Variants in PRKG1 observed in about 807,000 individuals in gnomAD.
PRKG1 encodes cGMP-dependent protein kinase 1.
Under a neutral mutation model 88.1 loss-of-function variants are expected in PRKG1, and 35 were observed. The ratio of observed to expected loss-of-function variants is 0.40; its 90% confidence interval spans 0.30 to 0.53. The LOEUF (loss-of-function observed/expected upper bound fraction) is 0.53. Ranked by LOEUF, PRKG1 falls within the 20% of genes least tolerant of loss-of-function variation. PRKG1 has a pLI of 0.59. For missense variants in PRKG1, 540 were observed against 839.8 expected, an observed-to-expected ratio of 0.64 and a Z score of 4.41; for synonymous variants, 303 against 292.5, an observed-to-expected ratio of 1.04 and a Z score of -0.37.
At chr10:51,044,647 T>A (rs1271751461) in intron 1 of PRKG1, among the ~76,000 whole-genome samples, 1 of 151,958 alleles carries the variant, frequency 6.6e-6, no homozygotes, top group Non-Finnish European at 1.5e-5. Flanking sequence ...TAGACTCCCC[T>A]CCTTTGAGAG....
intron 3 of PRKG1, among the ~76,000 whole-genome samples, chr10:51,747,262 G>A (rs755679705): frequency 1.6e-4 from 25 of 152,170 alleles, no homozygotes; most frequent in Non-Finnish European, 3.4e-4. Flanking sequence ...CTTGCCTAGT[G>A]TGAAAAAAGG....
intron 1 of PRKG1, among the ~76,000 whole-genome samples, chr10:51,133,129 A>G (rs907354261): frequency 1.3e-5 from 2 of 152,144 alleles, no homozygotes; most frequent in African/African-American, 2.4e-5. Flanking sequence ...CCTAAGATAA[A>G]TCAGAGTGAT....
chr10:51,784,863 A>G (rs1202274955), intron 3 of PRKG1, among the ~76,000 whole-genome samples: 1 of 152,072 alleles, frequency 6.6e-6, no homozygotes, highest in Non-Finnish European at 1.5e-5. Flanking sequence ...TTTGCCTCTC[A>G]TCTTTCCTTT....
At chr10:51,728,449 CTTTGTTTT>C (rs1289719094) in intron 3 of PRKG1, among the ~76,000 whole-genome samples, 57 of 57,916 alleles carry the variant, frequency 9.8e-4, no homozygotes, top group African/African-American at 3.8e-3. Flanking sequence ...TCCATTTTTT[CTTTGTTTT>C]TTTTTTTTTT....
intron 2 of PRKG1, among the ~76,000 whole-genome samples, chr10:51,289,160 A>G (rs748682257): frequency 4.6e-5 from 7 of 152,162 alleles, no homozygotes; most frequent in Non-Finnish European, 1.0e-4. Context: ...ATGTGTCCTA[A>G]CAAGTCCATG....
intron 2 of PRKG1, among the ~76,000 whole-genome samples, chr10:51,439,142 C>G (rs1369858405): frequency 6.6e-6 from 1 of 151,742 alleles, no homozygotes; most frequent in African/African-American, 2.4e-5. Context: ...ACGAACATGT[C>G]ATGACTTTGA....
intron 3 of PRKG1, among the ~76,000 whole-genome samples, chr10:51,741,224 A>G (rs943885054): frequency 1.4e-4 from 22 of 152,146 alleles, no homozygotes; most frequent in Non-Finnish European, 1.5e-5. Context: ...TTTAATGCAT[A>G]TTTCAATTGC....
At position 51,371,385 on chromosome 10, in the gene PRKG1, G is replaced by GA. The variant is rs200272224; in HGVS notation, c.479-96329dup. On this transcript the variant is annotated intron_variant, in intron 2 of 17. Transcript: ENST00000373980. The stretch of plus-strand genomic sequence containing the variant: ...GACCCATCTCTTTAAAAAAATAAAA[G>GA]AAAAAAAAACATGAGGACAATAATT... Among the ~76,000 whole-genome samples the GA allele has an allele frequency of 5.8e-4, 87 of 150,194 alleles. 3 individuals are homozygous for GA. The East Asian group carries it at 0.013, about 23-fold the overall frequency.
rs552927536 is a variant in PRKG1, at chr10:51,775,303, C to T, written c.593-29282C>T. ...ATAGCGGTCTAAAGTAGTTAATGGTCTTCAAAGATTGCTTTATTTTTTAAG... is the reference window on the plus strand; with the variant it reads ...ATAGCGGTCTAAAGTAGTTAATGGTTTTCAAAGATTGCTTTATTTTTTAAG... On this transcript the variant is annotated intron_variant, in intron 3 of 17. Coordinates refer to ENST00000373980, the MANE Select transcript of PRKG1 (RefSeq NM_006258.4). Among the ~76,000 whole-genome samples, 132 of 152,196 alleles carry T rather than the reference C, an allele frequency of 8.7e-4. 5 individuals carry two copies. In the South Asian group the frequency reaches 0.026, roughly 30 times the overall value.
intron 8 of PRKG1, among the ~76,000 whole-genome samples, chr10:52,138,005 A>G (rs1339632509): frequency 6.6e-6 from 1 of 152,102 alleles, no homozygotes; most frequent in Non-Finnish European, 1.5e-5. Context: ...AAAGAGTTGT[A>G]TATTTTTCCC....
At chr10:52,210,743 C>T (rs1380097683) in intron 9 of PRKG1, among the ~76,000 whole-genome samples, 3 of 152,198 alleles carry the variant, frequency 2.0e-5, no homozygotes, top group Non-Finnish European at 2.9e-5. Flanking sequence ...AGGAGGCTCA[C>T]TCATTCTTCT....
chr10:51,990,801 T>G (rs1407969436), intron 5 of PRKG1, among the ~76,000 whole-genome samples: 1 of 152,158 alleles, frequency 6.6e-6, no homozygotes. Context: ...TTCCCACTTA[T>G]AAGTGAGAAC....
intron 2 of PRKG1, among the ~76,000 whole-genome samples, chr10:51,404,218 A>C (rs943103537): frequency 6.6e-6 from 1 of 152,222 alleles, no homozygotes; most frequent in East Asian, 1.9e-4. Flanking sequence ...TGTCTAAAGA[A>C]AGTTATCACA....
intron 2 of PRKG1, among the ~76,000 whole-genome samples, chr10:51,210,924 A>T (rs1838198899): frequency 6.6e-6 from 1 of 152,212 alleles, no homozygotes; most frequent in African/African-American, 2.4e-5. Context: ...AAACTATTCT[A>T]ATCAATGGAA....
intron 1 of PRKG1, among the ~76,000 whole-genome samples, chr10:51,143,453 T>C (rs1316740462): frequency 6.6e-6 from 1 of 152,132 alleles, no homozygotes; most frequent in Non-Finnish European, 1.5e-5. Context: ...GAGGTGCAGA[T>C]ATGTTTTCAA....
At chr10:51,775,647 T>C (rs541069112) in intron 3 of PRKG1, among the ~76,000 whole-genome samples, 2 of 151,898 alleles carry the variant, frequency 1.3e-5, no homozygotes, top group Non-Finnish European at 2.9e-5. Flanking sequence ...TGCAGTGGCA[T>C]GATCTCGGCT....
intron 2 of PRKG1, among the ~76,000 whole-genome samples, chr10:51,299,257 G>A (rs1438462964): frequency 1.5e-5 from 2 of 133,092 alleles, no homozygotes; most frequent in Non-Finnish European, 2.9e-5. Context: ...CCAGGCTAGA[G>A]TGCAGTGGTA....
intron 3 of PRKG1, among the ~76,000 whole-genome samples, chr10:51,510,409 C>G (rs1195721028): frequency 6.6e-6 from 1 of 152,128 alleles, no homozygotes; most frequent in African/African-American, 2.4e-5. Flanking sequence ...GGATTTGGTT[C>G]CAGACCATTG....
At chr10:52,042,854 A>T (rs1294768711) in intron 5 of PRKG1, among the ~76,000 whole-genome samples, 1 of 152,178 alleles carries the variant, frequency 6.6e-6, no homozygotes, top group South Asian at 2.1e-4. Flanking sequence ...GGTCTATGTA[A>T]GAAACTCAAA....
Sources: gnomAD v4.1 joint callset for allele counts (sites outside exome capture counted in the v4.1 genomes callset) on GRCh38, gnomAD v4.1.1 for gene constraint, MANE v1.5 for transcripts, NCBI Gene and HGNC (gene_info 2026-07-23, HGNC 2026-07-21) for gene names.